The following COPS2 variants were observed in gnomAD, a reference collection of about 807,000 sequenced individuals.
COPS2 encodes COP9 signalosome subunit 2.
In COPS2, 10 loss-of-function variants were observed where a neutral mutation model predicts 66.1. The ratio of observed to expected loss-of-function variants is 0.15; its 90% CI spans 0.09 to 0.26. The LOEUF is 0.26. Ranked by LOEUF, COPS2 falls within the 10% of genes least tolerant of loss-of-function variation. The pLI is 1.00. For synonymous variants in COPS2, 179 were observed against 171.3 expected (o/e 1.04, Z -0.35); for missense variants, 215 against 513.3 (o/e 0.42, Z 5.62).
rs2084135040 is a variant in COPS2, at chr15:49,122,755, G to C, written c.*5195C>G. On this transcript the variant is annotated 3_prime_UTR_variant, in exon 13 of 13. Transcript: ENST00000388901. ...ATTACGTATTTTTTATTACCAATAA[G>C]GAATGTGCACTTCCAGATAAATAAA... 1 of 152,050 alleles carries C rather than the reference G, an allele frequency of 6.6e-6. No homozygotes were observed. Among genetic ancestry groups the C allele is most frequent in the Non-Finnish European group, 1.5e-5 (1 of 67,996 alleles). The allele number at this position is 152,050 out of a possible 1,614,324, so 9.4% of individuals were successfully genotyped here.
chr15:49,151,308 G>A (rs535584495), intron 1 of COPS2, among the ~76,000 whole-genome samples: 102 of 151,542 alleles, frequency 6.7e-4, no homozygotes, highest in Non-Finnish European at 1.1e-3. Context: ...GTTGAGGCAG[G>A]AGAATTGCTT....
intron 3 of COPS2, among the ~76,000 whole-genome samples, chr15:49,143,377 C>T (rs149542680): frequency 3.3e-5 from 5 of 152,294 alleles, no homozygotes; most frequent in East Asian, 1.9e-4. Context: ...CACTCTGCTA[C>T]TTGTGGAAAA....
intron 1 of COPS2, among the ~76,000 whole-genome samples, chr15:49,153,043 A>C (rs2084373536): frequency 6.6e-6 from 1 of 152,234 alleles, no homozygotes; most frequent in Non-Finnish European, 1.5e-5. Context: ...AGTGCTAATA[A>C]GTTATGTATC....
rs762489387 is a variant in COPS2 at position 49,137,100 on chromosome 15, CT to C, written c.540+49del. ...ATTTTGAATATAATTATTGCTTATA[CT>C]TTTTTTTTATTATGAAGAAATATTC... is the stretch of plus-strand genomic sequence containing the variant. On this transcript the variant is annotated intron_variant, in intron 6 of 12. Transcript: ENST00000388901. 652 of 1,141,266 alleles carry C rather than the reference CT, an allele frequency of 5.7e-4. 1 individual carries two copies. The highest frequency in any genetic ancestry group is 7.0e-4 in the African/African-American group (44 of 62,684). The allele number at this position is 1,141,266 out of a possible 1,614,324, so 70.7% of individuals were successfully genotyped here.
intron 1 of COPS2, among the ~76,000 whole-genome samples, chr15:49,148,925 A>G (rs934860731): frequency 6.6e-6 from 1 of 152,230 alleles, no homozygotes; most frequent in African/African-American, 2.4e-5. Flanking sequence ...GAAATCTAGA[A>G]GTATTGAGTA....
chr15:49,150,231 G>C (rs1282916632), intron 1 of COPS2, among the ~76,000 whole-genome samples: 1 of 136,626 alleles, frequency 7.3e-6, no homozygotes, highest in African/African-American at 2.7e-5. Flanking sequence ...CTGGGCAACA[G>C]AGTAAGACTC....
rs1308883180 is a variant in COPS2, at chr15:49,126,892, T to C, written c.*1058A>G. 3 of 152,124 alleles carry C rather than the reference T, an allele frequency of 2.0e-5. No homozygotes were observed. The highest frequency in any genetic ancestry group is 7.2e-5 in the African/African-American group (3 of 41,430). 9.4% of individuals were successfully genotyped at this position (152,124 alleles called of 1,614,324 possible). A position where few individuals can be genotyped will look rare whatever the true frequency, so the allele number is the denominator to read the frequency against. On this transcript the variant is annotated 3_prime_UTR_variant, in exon 13 of 13. Transcript: ENST00000388901. The stretch of plus-strand genomic sequence containing the variant: ...TAAAACAATGTATAATCATAAAGTT[T>C]AGTGTGTGTGACAAATTAACTTTGA...
At chr15:49,141,231 G>C (rs1287622392) in intron 3 of COPS2, among the ~76,000 whole-genome samples, 2 of 152,182 alleles carry the variant, frequency 1.3e-5, no homozygotes, top group African/African-American at 4.8e-5. Context: ...GCTGGGCTTG[G>C]TGGCTCACTC....
intron 1 of COPS2, among the ~76,000 whole-genome samples, chr15:49,148,795 T>C (rs1340057383): frequency 6.6e-6 from 1 of 152,140 alleles, no homozygotes; most frequent in Non-Finnish European, 1.5e-5. Flanking sequence ...ACAGAAGATG[T>C]TAAACAATGT....
chr15:49,134,575 A>T, intron 6 of COPS2, 61 bp from the exon 7 acceptor site: 1 of 1,303,826 alleles, frequency 7.7e-7, no homozygotes, highest in Non-Finnish European at 1.1e-6. Context: ...TCTTATTTGC[A>T]TTAGCCTGGA....
chr15:49,148,605 A>G (rs2084337938), intron 1 of COPS2, among the ~76,000 whole-genome samples: 1 of 152,218 alleles, frequency 6.6e-6, no homozygotes, highest in Non-Finnish European at 1.5e-5. Context: ...TTACAAGGAG[A>G]TGAGATCCAA....
intron 1 of COPS2, among the ~76,000 whole-genome samples, chr15:49,146,413 A>G (rs952519870): frequency 1.3e-5 from 2 of 150,974 alleles, no homozygotes; most frequent in African/African-American, 4.9e-5. Flanking sequence ...TGATCAAGCT[A>G]AAAAAAAAGA....
chr15:49,146,221 C>T (rs1424191328), intron 1 of COPS2, among the ~76,000 whole-genome samples: 2 of 152,030 alleles, frequency 1.3e-5, no homozygotes, highest in Non-Finnish European at 2.9e-5. Flanking sequence ...ATTCCTTCCT[C>T]GTGTGAAGAC....
At chr15:49,132,300 G>A (rs1390044548) in intron 9 of COPS2, among the ~76,000 whole-genome samples, 1 of 150,526 alleles carries the variant, frequency 6.6e-6, no homozygotes, top group East Asian at 1.9e-4. Flanking sequence ...GATTTAATGT[G>A]GTAACTTAAG....
intron 1 of COPS2, among the ~76,000 whole-genome samples, chr15:49,149,767 C>T (rs2084345772): frequency 6.6e-6 from 1 of 152,142 alleles, no homozygotes; most frequent in Non-Finnish European, 1.5e-5. Context: ...AAACAATACT[C>T]ACCATTAACA....
chr15:49,128,086 T>C lies in COPS2; in HGVS notation c.1196A>G (p.His399Arg). ...TTGGTTGACTTGATCAATTCGGCCA[T>C]GAATAGTGCTAGAAAGAAATAAATA... ...LVQCILDNTI[H>R]GRIDQVNQLL... The change falls in exon 13 of 13, where the codon CAT becomes CGT. Residue 399 changes from histidine (H) to arginine (R), a missense_variant. His to Arg is a conservative substitution (Grantham distance 29, BLOSUM62 0). Coordinates refer to ENST00000388901, the MANE Select transcript of COPS2 (RefSeq NM_004236.4). The C allele has an allele frequency of 3.7e-6, 6 of 1,613,468 alleles. No individual in the cohort carries two copies. Among genetic ancestry groups the C allele is most frequent in the African/African-American group, 1.3e-5 (1 of 75,008 alleles).
At chr15:49,133,134 G>A (rs996201493) in intron 9 of COPS2, among the ~76,000 whole-genome samples, 7 of 151,720 alleles carry the variant, frequency 4.6e-5, no homozygotes, top group Non-Finnish European at 7.4e-5. Context: ...GACTACAGGC[G>A]CCTGCCACCA....
chr15:49,135,045 TAC>T (rs1222187204), intron 6 of COPS2, among the ~76,000 whole-genome samples: 1 of 152,176 alleles, frequency 6.6e-6, no homozygotes, highest in African/African-American at 2.4e-5. Flanking sequence ...ATAAATCAGG[TAC>T]AGTGAGACAT....
chr15:49,139,246 G>T, intron 4 of COPS2: 1 of 247,942 alleles, frequency 4.0e-6, no homozygotes, highest in Non-Finnish European at 7.6e-6. Context: ...AAGGACCTGT[G>T]GTAGCAACTG....
Sources: allele counts gnomAD v4.1 joint callset (sites outside exome capture counted in the v4.1 genomes callset), GRCh38; gene constraint gnomAD v4.1.1; transcripts MANE v1.5; gene names NCBI Gene and HGNC (gene_info 2026-07-23, HGNC 2026-07-21).